The following FRMPD4 variants were observed in gnomAD, a reference collection of about 807,000 sequenced individuals.
FRMPD4 encodes the protein FERM and PDZ domain-containing protein 4.
A neutral mutation model predicts 94.1 loss-of-function variants in FRMPD4; 22 were observed. The observed-to-expected ratio is 0.23, with a 90% CI of 0.17 to 0.33. FRMPD4 has a LOEUF of 0.33. Ranked by LOEUF, FRMPD4 falls within the 10% of genes least tolerant of loss-of-function variation. FRMPD4 has a pLI of 1.00. For synonymous variants in FRMPD4, 631 were observed against 548.6 expected (o/e 1.15, Z -2.10); for missense variants, 1,111 against 1,339.9 (o/e 0.83, Z 2.67).
intron 1 of FRMPD4, among the ~76,000 whole-genome samples, chrX:11,825,735 C>T (rs776033252): frequency 5.4e-5 from 6 of 111,957 alleles, no homozygotes; most frequent in East Asian, 5.6e-4. Context: ...ATTGTACCAA[C>T]GTCAATTTCC....
intron 1 of FRMPD4, among the ~76,000 whole-genome samples, chrX:12,220,293 T>C (rs1169476482): frequency 1.8e-5 from 2 of 112,089 alleles, no homozygotes; most frequent in Non-Finnish European, 3.8e-5. Context: ...GTGCCCAAAG[T>C]GGCTATGGAA....
At chrX:12,293,763 A>G (rs1271739147) in intron 1 of FRMPD4, among the ~76,000 whole-genome samples, 1 of 112,640 alleles carries the variant, frequency 8.9e-6, no homozygotes, top group African/African-American at 3.2e-5. Context: ...CTGTTGTATC[A>G]TAATTACAAA....
At chrX:12,053,356 AAAG>A (rs1189614165) in intron 3 of FRMPD4, among the ~76,000 whole-genome samples, 32 of 86,695 alleles carry the variant, frequency 3.7e-4, no homozygotes, top group African/African-American at 1.1e-3. Flanking sequence ...GAAAGGAAAG[AAAG>A]AAGAAAGAAA....
chrX:12,191,410 G>A (rs990023342), intron 1 of FRMPD4, among the ~76,000 whole-genome samples: 2 of 111,983 alleles, frequency 1.8e-5, no homozygotes, highest in Non-Finnish European at 1.9e-5. Context: ...ATCCAAAAGA[G>A]TTGAAAACAT....
chrX:12,003,385 A>G (rs191583155), intron 3 of FRMPD4, among the ~76,000 whole-genome samples: 2 of 92,244 alleles, frequency 2.2e-5, no homozygotes, highest in African/African-American at 4.2e-5. Context: ...TCAGTTTGGC[A>G]AGTGTGTGTG....
chrX:11,894,871 A>G lies in FRMPD4; in HGVS notation c.95+16853A>G, dbSNP rs192941149. Among the ~76,000 whole-genome samples the G allele has an allele frequency of 4.5e-5, 5 of 112,043 alleles. No homozygotes were observed. In the East Asian group the frequency reaches 1.4e-3, roughly 31 times the overall value. ...TGTGTTTCAAAGTGAAAGATAATTT[A>G]GAAGAGGGGACAGACTGAAAAAGAA... On this transcript the variant is annotated intron_variant, in intron 3 of 18. Coordinates refer to the FRMPD4 transcript ENST00000640291.
intron 5 of FRMPD4, among the ~76,000 whole-genome samples, chrX:12,680,356 A>G (rs1269051479): frequency 8.9e-6 from 1 of 112,597 alleles, no homozygotes; most frequent in East Asian, 2.8e-4. Context: ...GAATTAATTC[A>G]GCAGGCTTTC....
At chrX:11,894,402 G>A (rs2053891265) in intron 3 of FRMPD4, among the ~76,000 whole-genome samples, 1 of 112,273 alleles carries the variant, frequency 8.9e-6, no homozygotes, top group East Asian at 2.8e-4. Context: ...TCCAAATAGG[G>A]CTCTTGATTG....
intron 1 of FRMPD4, among the ~76,000 whole-genome samples, chrX:12,416,927 C>T (rs1036838180): frequency 1.8e-5 from 2 of 111,772 alleles, no homozygotes; most frequent in Non-Finnish European, 3.8e-5. Flanking sequence ...ATTCTCTCAT[C>T]TTTGCTTAAT....
chrX:12,274,410 C>A (rs1462574454), intron 1 of FRMPD4, among the ~76,000 whole-genome samples: 1 of 112,137 alleles, frequency 8.9e-6, no homozygotes, highest in Non-Finnish European at 1.9e-5. Flanking sequence ...GGCTATTTTA[C>A]TCTGAACAAA....
chrX:12,039,162 C>T (rs914181403), intron 3 of FRMPD4, among the ~76,000 whole-genome samples: 6 of 109,296 alleles, frequency 5.5e-5, no homozygotes, highest in Non-Finnish European at 1.1e-4. Flanking sequence ...ACCAACAAGC[C>T]TGGCTATTTA....
chrX:12,039,981 A>G (rs948231296), intron 3 of FRMPD4, among the ~76,000 whole-genome samples: 24 of 105,185 alleles, frequency 2.3e-4, no homozygotes, highest in Non-Finnish European at 4.0e-4. Context: ...AAAAAAAAAA[A>G]AAAGAAAAAA....
intron 1 of FRMPD4, among the ~76,000 whole-genome samples, chrX:12,234,172 A>G (rs920274811): frequency 1.2e-4 from 13 of 110,914 alleles, no homozygotes. Context: ...GGCAGAGTGC[A>G]AGGGGAGGTG....
rs538796910 is a variant in FRMPD4, at chrX:11,967,680, G to C, written c.95+89662G>C. 3.3e-3 allele frequency among the ~76,000 whole-genome samples: 363 copies of C among 109,199 alleles called. 1 individual carries two copies. The highest frequency in any genetic ancestry group is 4.2e-3 in the Non-Finnish European group (219 of 52,539). The allele number at this position is 109,199 out of a possible 115,157, so 94.8% of individuals were successfully genotyped here. ...TCATCAGCTTCCTTCAGCTTGCAGA[G>C]CTGGACTTAACAGGAACCGGGAATA... On this transcript the variant is annotated intron_variant, in intron 3 of 18. Coordinates refer to the FRMPD4 transcript ENST00000640291.
chrX:12,093,618 A>G (rs1406453000), intron 3 of FRMPD4, among the ~76,000 whole-genome samples: 1 of 108,650 alleles, frequency 9.2e-6, no homozygotes, highest in East Asian at 2.9e-4. Context: ...AAAAAAAAAA[A>G]GTCTTGCTGA....
At chrX:12,636,465 G>T (rs893684372) in intron 4 of FRMPD4, among the ~76,000 whole-genome samples, 1 of 109,841 alleles carries the variant, frequency 9.1e-6, no homozygotes, top group African/African-American at 3.3e-5. Context: ...GAGGTGTACG[G>T]TATCTGGTTG....
intron 3 of FRMPD4, among the ~76,000 whole-genome samples, chrX:12,041,264 C>T (rs2054753110): frequency 8.9e-6 from 1 of 111,794 alleles, no homozygotes; most frequent in African/African-American, 3.3e-5. Flanking sequence ...GTTCAGTGTT[C>T]CTACTTTCTT....
chrX:12,108,143 G>A (rs959170178), intron 3 of FRMPD4, among the ~76,000 whole-genome samples: 30 of 111,636 alleles, frequency 2.7e-4, no homozygotes, highest in African/African-American at 9.8e-4. Context: ...AAGTTGAAAT[G>A]AAGGAAAAAA....
chrX:12,024,296 C>G lies in FRMPD4; in HGVS notation c.95+146278C>G, dbSNP rs191610862. 3.1e-4 allele frequency among the ~76,000 whole-genome samples: 35 copies of G among 111,992 alleles called. No homozygotes were observed. In the Admixed American group the frequency reaches 3.3e-3, roughly 11 times the overall value. On this transcript the variant is annotated intron_variant, in intron 3 of 18. Transcript: ENST00000640291. ...ATGCATATATATGTACACATACATA[C>G]TCATGCATGTACACACCCACATATT...
Sources: allele counts gnomAD v4.1 joint callset (sites outside exome capture counted in the v4.1 genomes callset), GRCh38; gene constraint gnomAD v4.1.1; transcripts MANE v1.5; gene names NCBI Gene and HGNC (gene_info 2026-07-23, HGNC 2026-07-21).